Variants in LDLRAD3 observed in about 807,000 individuals in gnomAD.
LDLRAD3 encodes the protein low-density lipoprotein receptor class A domain-containing protein 3.
In LDLRAD3, 20 loss-of-function variants were observed where a neutral mutation model predicts 29.4. The observed-to-expected ratio is 0.68, with a 90% CI of 0.48 to 0.99. The LOEUF is 0.99. Among genes scored for constraint, LDLRAD3 ranks in the 50% least tolerant of loss-of-function variants. LDLRAD3 has a pLI of 0.00. For missense variants in LDLRAD3, 420 were observed against 454.3 expected (o/e 0.92, Z 0.69); for synonymous variants, 157 against 192.7 (o/e 0.81, Z 1.53).
chr11:36,222,705 T>A (rs1438709719), intron 4 of LDLRAD3, among the ~76,000 whole-genome samples: 3 of 152,126 alleles, frequency 2.0e-5, no homozygotes, highest in African/African-American at 7.2e-5. Context: ...CTGAGTGAAT[T>A]AGTTAAAGGT....
intron 1 of LDLRAD3, among the ~76,000 whole-genome samples, chr11:36,021,497 C>T (rs1280697416): frequency 2.0e-5 from 3 of 152,030 alleles, no homozygotes; most frequent in African/African-American, 7.3e-5. Flanking sequence ...CAGAATTGTG[C>T]CTAAGGAAGA....
At chr11:36,077,574 G>T (rs1190499641) in intron 2 of LDLRAD3, among the ~76,000 whole-genome samples, 1 of 152,220 alleles carries the variant, frequency 6.6e-6, no homozygotes. Flanking sequence ...TGCCAGCTGT[G>T]GTGGGGCAGG....
At chr11:36,145,085 C>T (rs1854161045) in intron 4 of LDLRAD3, among the ~76,000 whole-genome samples, 1 of 102,266 alleles carries the variant, frequency 9.8e-6, no homozygotes, top group Non-Finnish European at 2.1e-5. Context: ...GCCCGGCCAG[C>T]CGCCCCGTCC....
chr11:36,090,112 T>C (rs1206582783), intron 3 of LDLRAD3, among the ~76,000 whole-genome samples: 1 of 152,164 alleles, frequency 6.6e-6, no homozygotes, highest in Non-Finnish European at 1.5e-5. Context: ...AGGCTGAAAT[T>C]TGAGCCCAGG....
rs111719721 is a variant in LDLRAD3 at position 35,991,468 on chromosome 11, G to GA, written c.47-44628dup. Among the ~76,000 whole-genome samples, 817 of 152,150 alleles carry GA rather than the reference G, an allele frequency of 5.4e-3. 19 individuals are homozygous for GA. The highest frequency in any genetic ancestry group is 0.019 in the African/African-American group (771 of 41,538). On this transcript the variant is annotated intron_variant, in intron 1 of 5. Coordinates refer to ENST00000315571, the MANE Select transcript of LDLRAD3 (RefSeq NM_174902.4). Reference sequence around the variant, plus strand: ...TAATTGCGGCCAGCCAGGGAAGACAGAAAAAAACCTATAATGGTTTATCAT... The same window carrying GA: ...TAATTGCGGCCAGCCAGGGAAGACAGAAAAAAAACCTATAATGGTTTATCAT...
At chr11:36,208,399 C>T (rs1855239629) in intron 4 of LDLRAD3, among the ~76,000 whole-genome samples, 1 of 152,202 alleles carries the variant, frequency 6.6e-6, no homozygotes, top group South Asian at 2.1e-4. Context: ...CTGCTCTCTG[C>T]TTCTAAGATA....
At chr11:35,965,029 C>T (rs908409201) in intron 1 of LDLRAD3, among the ~76,000 whole-genome samples, 17 of 149,718 alleles carry the variant, frequency 1.1e-4, no homozygotes, top group Admixed American at 1.0e-3. Flanking sequence ...TGAGCTGGGG[C>T]GGAAGTGGAG....
At chr11:35,969,633 C>T (rs1851387431) in intron 1 of LDLRAD3, among the ~76,000 whole-genome samples, 1 of 152,228 alleles carries the variant, frequency 6.6e-6, no homozygotes, top group Non-Finnish European at 1.5e-5. Flanking sequence ...TCAGCCTCAG[C>T]ATGGGCTTTA....
intron 1 of LDLRAD3, among the ~76,000 whole-genome samples, chr11:35,959,126 C>CA (rs2133133369): frequency 6.6e-6 from 1 of 152,268 alleles, no homozygotes; most frequent in African/African-American, 2.4e-5. Context: ...GAAGGAACGC[C>CA]GTCTCCCAGC....
intron 4 of LDLRAD3, among the ~76,000 whole-genome samples, chr11:36,140,497 C>T (rs563429115): frequency 2.6e-5 from 4 of 152,148 alleles, no homozygotes; most frequent in African/African-American, 7.2e-5. Context: ...GGCACTATCA[C>T]GGTTCACTGC....
At chr11:35,959,922 A>T (rs1311902293) in intron 1 of LDLRAD3, among the ~76,000 whole-genome samples, 1 of 151,864 alleles carries the variant, frequency 6.6e-6, no homozygotes, top group African/African-American at 2.4e-5. Flanking sequence ...ACAGAGTGAG[A>T]CTCCATCCCC....
At chr11:36,187,750 T>C (rs1046629981) in intron 4 of LDLRAD3, among the ~76,000 whole-genome samples, 12 of 152,184 alleles carry the variant, frequency 7.9e-5, no homozygotes, top group Non-Finnish European at 1.6e-4. Flanking sequence ...AGAAACACTA[T>C]CCCAAGTCAT....
intron 4 of LDLRAD3, among the ~76,000 whole-genome samples, chr11:36,122,933 T>C (rs1853780842): frequency 6.6e-6 from 1 of 152,154 alleles, no homozygotes; most frequent in African/African-American, 2.4e-5. Flanking sequence ...ACCAGCACTT[T>C]GGGAAGCTGA....
chr11:36,159,062 G>C (rs1288915400), intron 4 of LDLRAD3, among the ~76,000 whole-genome samples: 1 of 152,118 alleles, frequency 6.6e-6, no homozygotes, highest in East Asian at 1.9e-4. Flanking sequence ...TTCTTAAATT[G>C]TGGAAATTAA....
At chr11:36,114,078 T>G (rs1302820746) in intron 4 of LDLRAD3, among the ~76,000 whole-genome samples, 1 of 152,204 alleles carries the variant, frequency 6.6e-6, no homozygotes, top group African/African-American at 2.4e-5. Context: ...TTAGCCACAG[T>G]CTTTGCCACA....
intron 3 of LDLRAD3, among the ~76,000 whole-genome samples, chr11:36,083,130 G>C (rs1266116407): frequency 3.3e-5 from 5 of 152,050 alleles, no homozygotes; most frequent in African/African-American, 1.2e-4. Context: ...CAATATCCTC[G>C]GCCAGTGTGA....
In LDLRAD3 at chr11:35,952,608, A is replaced by G. The variant is rs139865769; in HGVS notation, c.46+8464A>G. On this transcript the variant is annotated intron_variant, in intron 1 of 5. Coordinates refer to ENST00000315571, the MANE Select transcript of LDLRAD3 (RefSeq NM_174902.4). Reference sequence around the variant, plus strand: ...TTGCCTTTGAATATATTAATGATAGAGATAATTCTTCCCCCCTTTATGGGA... The same window carrying G: ...TTGCCTTTGAATATATTAATGATAGGGATAATTCTTCCCCCCTTTATGGGA... Among the ~76,000 whole-genome samples the G allele has an allele frequency of 9.9e-3, 1,508 of 152,332 alleles. 13 individuals carry two copies. The highest frequency in any genetic ancestry group is 0.012 in the Non-Finnish European group (845 of 68,030).
At chr11:35,968,571 C>T in intron 1 of LDLRAD3, 2 of 211,106 alleles carry the variant, frequency 9.5e-6, no homozygotes, top group Non-Finnish European at 9.7e-6. Flanking sequence ...GAATTCTGCA[C>T]TTCACTCTTC....
At chr11:36,107,735 A>G (rs1245029282) in intron 4 of LDLRAD3, among the ~76,000 whole-genome samples, 2 of 152,190 alleles carry the variant, frequency 1.3e-5, no homozygotes, top group Admixed American at 1.3e-4. Flanking sequence ...GGTGTGTAGT[A>G]GGCTCCTCCT....
Sources: allele counts gnomAD v4.1 joint callset (sites outside exome capture counted in the v4.1 genomes callset), GRCh38; gene constraint gnomAD v4.1.1; transcripts MANE v1.5; gene names NCBI Gene and HGNC (gene_info 2026-07-23, HGNC 2026-07-21).